The following PPP2R5A variants were observed in gnomAD, a reference collection of about 807,000 sequenced individuals.
PPP2R5A encodes the protein protein phosphatase 2 regulatory subunit B'alpha.
In PPP2R5A, 25 loss-of-function variants were observed where a neutral mutation model predicts 64.2. That is an observed-to-expected ratio of 0.39 (90% CI 0.28 to 0.54). The LOEUF (loss-of-function observed/expected upper bound fraction) is 0.54, where lower values mean the gene tolerates loss of function less well. PPP2R5A is among the 20% of genes least tolerant of loss of function. The probability of loss-of-function intolerance (pLI) is 0.67; values close to 1 mark genes in which losing one functional copy is unlikely to be tolerated. For synonymous variants in PPP2R5A, 198 were observed against 201.2 expected (o/e 0.98, Z 0.13); for missense variants, 425 against 576.3 (o/e 0.74, Z 2.69).
chr1:212,294,448 T>C (rs550973496), intron 1 of PPP2R5A, among the ~76,000 whole-genome samples: 9 of 152,342 alleles, frequency 5.9e-5, no homozygotes, highest in Admixed American at 1.3e-4. Context: ...GTTTCTAATT[T>C]TATTAAAACA....
At chr1:212,302,063 G>A in intron 1 of PPP2R5A, 2 of 1,528,416 alleles carry the variant, frequency 1.3e-6, no homozygotes, top group Non-Finnish European at 1.8e-6. Context: ...AATGAAGAAG[G>A]GCAAGAAGAG....
At chr1:212,321,943 C>T (rs1210646620) in intron 1 of PPP2R5A, among the ~76,000 whole-genome samples, 4 of 151,852 alleles carry the variant, frequency 2.6e-5, no homozygotes, top group East Asian at 1.9e-4. Context: ...CCCGGCACCT[C>T]GGGAGGCCCA....
rs869112186 is a variant in PPP2R5A, at chr1:212,297,096, CTTTTTTTTTTTTTTTTTTTTT to C, written c.181+10827_181+10847del. Among the ~76,000 whole-genome samples, 43 of 82,660 alleles carry C rather than the reference CTTTTTTTTTTTTTTTTTTTTT, an allele frequency of 5.2e-4. No individual in the cohort carries two copies. The South Asian group carries it at 6.4e-3, about 12-fold the overall frequency. The allele number at this position is 82,660 out of a possible 152,430, so 54.2% of individuals were successfully genotyped here. A position where few individuals can be genotyped will look rare whatever the true frequency, so the allele number is the denominator to read the frequency against. On this transcript the variant is annotated intron_variant, in intron 1 of 12. Coordinates refer to ENST00000261461, the MANE Select transcript of PPP2R5A (RefSeq NM_006243.4). ...TTTCTTTTCTTTTTCTTTGCTTCTTCTTTTTTTTTTTTTTTTTTTTTTTTTTTTTTTTTTTTTTTTTTGGAG... is the reference window on the plus strand; with the variant it reads ...TTTCTTTTCTTTTTCTTTGCTTCTTCTTTTTTTTTTTTTTTTTTTTTGGAG...
intron 1 of PPP2R5A, among the ~76,000 whole-genome samples, chr1:212,296,607 ATGCCGGGACAAGT>A (rs1658695034): frequency 6.6e-6 from 1 of 152,352 alleles, no homozygotes; most frequent in Admixed American, 6.5e-5. Context: ...AGCACAAAAT[ATGCCGGGACAAGT>A]TGCCTGAATA....
intron 8 of PPP2R5A, chr1:212,352,780 G>A (rs1275340359): frequency 5.8e-6 from 3 of 518,614 alleles, no homozygotes; most frequent in Non-Finnish European, 1.2e-5. Flanking sequence ...CATATCAAAT[G>A]ATCACAAAAT....
intron 1 of PPP2R5A, among the ~76,000 whole-genome samples, chr1:212,304,789 G>C (rs554241902): frequency 1.4e-5 from 2 of 146,216 alleles, no homozygotes; most frequent in Non-Finnish European, 3.0e-5. Context: ...CTGGAGTGCA[G>C]TGGCATGATC....
chr1:212,339,484 T>C (rs1474384762), intron 3 of PPP2R5A, among the ~76,000 whole-genome samples: 6 of 152,152 alleles, frequency 3.9e-5, no homozygotes, highest in Admixed American at 2.0e-4. Flanking sequence ...GACCTCAATA[T>C]GTATTTAAGT....
At chr1:212,291,750 G>T (rs1170440920) in intron 1 of PPP2R5A, among the ~76,000 whole-genome samples, 1 of 152,142 alleles carries the variant, frequency 6.6e-6, no homozygotes, top group Non-Finnish European at 1.5e-5. Context: ...TTAGATTCTG[G>T]AGTTTAGGTA....
In PPP2R5A at chr1:212,331,335, AT is replaced by A. The variant is rs60762237; in HGVS notation, c.378+2021del. 4.6e-3 allele frequency: 611 copies of A among 132,398 alleles called. 1 individual carries two copies. Among genetic ancestry groups the A allele is most frequent in the Non-Finnish European group, 4.5e-3 (277 of 61,576 alleles). The allele number at this position is 132,398 out of a possible 1,614,324, so 8.2% of individuals were successfully genotyped here. A position where few individuals can be genotyped will look rare whatever the true frequency, so the allele number is the denominator to read the frequency against. On this transcript the variant is annotated intron_variant, in intron 2 of 12. Transcript: ENST00000261461. ...ACCACCATGCCCGATTAATTTTTTCATTTTTTTTTTTTTTTTTAGAGGTGGA... is the reference window on the plus strand; with the variant it reads ...ACCACCATGCCCGATTAATTTTTTCATTTTTTTTTTTTTTTTAGAGGTGGA...
At chr1:212,314,762 C>CAT (rs1659113639) in intron 1 of PPP2R5A, among the ~76,000 whole-genome samples, 1 of 151,878 alleles carries the variant, frequency 6.6e-6, no homozygotes, top group African/African-American at 2.4e-5. Context: ...GAGGTTTCAC[C>CAT]ATATTGGCCA....
chr1:212,361,029 A>G lies in PPP2R5A; in HGVS notation c.*259A>G, dbSNP rs1660071551. On this transcript the variant is annotated 3_prime_UTR_variant, in exon 13 of 13. Transcript: ENST00000261461. ...CAGAAATGAATGAATTTTATCATCT[A>G]TGATATGAGTGAGATAATTATGGGA... 1.1e-5 allele frequency: 3 copies of G among 262,178 alleles called. No homozygotes were observed. The highest frequency in any genetic ancestry group is 5.4e-5 in the Admixed American group (1 of 18,446). The allele number at this position is 262,178 out of a possible 1,614,324, so 16.2% of individuals were successfully genotyped here.
intron 2 of PPP2R5A, among the ~76,000 whole-genome samples, chr1:212,331,973 T>A (rs1396943254): frequency 6.6e-6 from 1 of 152,238 alleles, no homozygotes; most frequent in African/African-American, 2.4e-5. Flanking sequence ...GAATATTTGT[T>A]ATATACAGTT....
intron 11 of PPP2R5A, chr1:212,358,062 C>CAA (rs1175033400): frequency 1.3e-5 from 2 of 152,332 alleles, no homozygotes; most frequent in Non-Finnish European, 2.9e-5. Flanking sequence ...CTTGGCCTCC[C>CAA]AAAGTGCTGA....
At chr1:212,304,636 T>C (rs1371818325) in intron 1 of PPP2R5A, among the ~76,000 whole-genome samples, 1 of 151,846 alleles carries the variant, frequency 6.6e-6, no homozygotes, top group Non-Finnish European at 1.5e-5. Flanking sequence ...AATAGTATGC[T>C]GTGGCCTCTT....
intron 3 of PPP2R5A, among the ~76,000 whole-genome samples, chr1:212,339,965 A>G (rs1659659086): frequency 7.8e-6 from 1 of 128,928 alleles, no homozygotes; most frequent in Non-Finnish European, 1.6e-5. Flanking sequence ...TATACTCTGC[A>G]TTCTCTTCAT....
At chr1:212,356,549 A>G (rs893005150) in intron 8 of PPP2R5A, 77 bp from the exon 9 acceptor site, 4 of 1,357,748 alleles carry the variant, frequency 2.9e-6, no homozygotes, top group Non-Finnish European at 4.1e-6. Context: ...GTGTTGATAT[A>G]ATCACAGCTA....
intron 11 of PPP2R5A, 33 bp downstream of exon 11, chr1:212,357,317 CTTTTT>C (rs376007639): frequency 1.7e-6 from 2 of 1,159,100 alleles, no homozygotes; most frequent in Admixed American, 6.6e-5. Flanking sequence ...GTATTTTTTT[CTTTTT>C]TTTTTTTTAT....
chr1:212,347,062 T>C (rs911917137), intron 5 of PPP2R5A, among the ~76,000 whole-genome samples: 3 of 152,228 alleles, frequency 2.0e-5, no homozygotes, highest in Non-Finnish European at 4.4e-5. Flanking sequence ...AGGAAACTTA[T>C]CTTTCTTATT....
intron 1 of PPP2R5A, among the ~76,000 whole-genome samples, chr1:212,322,265 G>GGAGGGAGAGGGTGAGGGAGAGGAGGGA (rs1659319329): frequency 1.2e-5 from 1 of 85,280 alleles, no homozygotes; most frequent in Non-Finnish European, 2.3e-5. Flanking sequence ...GAGAGGGAGA[G>GGAGGGAGAGGGTGAGGGAGAGGAGGGA]GAGGGAGAGG....
Sources: allele counts gnomAD v4.1 joint callset (sites outside exome capture counted in the v4.1 genomes callset), GRCh38; gene constraint gnomAD v4.1.1; transcripts MANE v1.5; gene names NCBI Gene and HGNC (gene_info 2026-07-23, HGNC 2026-07-21).